Variants in BCORL1 observed in about 807,000 individuals in gnomAD.
BCORL1 encodes BCL6 corepressor like 1.
Under a neutral mutation model 87.6 loss-of-function variants are expected in BCORL1, and 7 were observed. That is an observed-to-expected ratio of 0.08 (90% CI 0.05 to 0.15). The LOEUF (loss-of-function observed/expected upper bound fraction) is 0.15. Ranked by LOEUF, BCORL1 falls within the 10% of genes least tolerant of loss-of-function variation. The pLI is 1.00. For missense variants in BCORL1, 1,215 were observed against 1,499.7 expected (o/e 0.81, Z 3.13); for synonymous variants, 591 against 634.4 (o/e 0.93, Z 1.03).
chrX:129,999,588 G>A (rs1438301258), intron 1 of BCORL1, among the ~76,000 whole-genome samples: 2 of 109,636 alleles, frequency 1.8e-5, no homozygotes, highest in African/African-American at 3.3e-5. Flanking sequence ...GATTACAGGC[G>A]TGATTACAGT....
intron 13 of BCORL1, among the ~76,000 whole-genome samples, chrX:130,054,815 A>T (rs1213641475): frequency 9.0e-6 from 1 of 111,130 alleles, no homozygotes; most frequent in Admixed American, 9.6e-5. Flanking sequence ...GGAGGCTGAG[A>T]CAGGAGAATT....
Position 130,056,036 on chromosome X carries a change from C to G in BCORL1, c.5258C>G (p.Ser1753Cys), listed in dbSNP as rs773050802. ...AERPGGLDDR[S>C]PPGSSETVEL... Reference sequence around the variant, plus strand: ...AGGCCTGGAGGCTTGGACGACAGATCCCCCCCAGGCTCCTCTGAGACTGTG... The same window carrying G: ...AGGCCTGGAGGCTTGGACGACAGATGCCCCCCAGGCTCCTCTGAGACTGTG... The change falls in exon 14 of 14, where the codon TCC (serine) becomes TGC (cysteine). Residue 1753 changes from serine (S) to cysteine (C), a missense_variant. Physicochemically the swap from Ser to Cys is moderately radical, Grantham distance 112 (BLOSUM62 -1). This residue lies in a region of BCORL1 where 129 missense variants were observed against 157.5 expected (regional missense o/e 0.82). Coordinates refer to ENST00000540052, the MANE Select transcript of BCORL1 (RefSeq NM_001379451.1). 2 of 1,210,828 alleles carry G rather than the reference C, an allele frequency of 1.7e-6. No individual in the cohort carries two copies. The highest frequency in any genetic ancestry group is 2.2e-6 in the Non-Finnish European group (2 of 894,701).
rs139239140 is a variant in BCORL1, at chrX:130,025,362, G to A, written c.4061G>A (p.Arg1354Gln). 458 of 1,148,053 alleles carry A rather than the reference G, an allele frequency of 4.0e-4. No individual in the cohort carries two copies. The highest frequency in any genetic ancestry group is 5.1e-4 in the Non-Finnish European group (441 of 866,243). The allele number at this position is 1,148,053 out of a possible 1,213,427, so 94.6% of individuals were successfully genotyped here. Residue 1354 changes from arginine (R) to glutamine (Q), a missense_variant, in exon 7 of 14, where the codon CGG becomes CAG. Physicochemically the swap from Arg to Gln is conservative, Grantham distance 43. Coordinates refer to ENST00000540052, the MANE Select transcript of BCORL1 (RefSeq NM_001379451.1). ...CTGACAGAGCAAGAAGACGAGCAGC[G>A]GCGGAAAGGGAGAGCAGGTAAGGCT... The part of the protein sequence containing the change: ...EYLTEQEDEQ[R>Q]RKGRADLKAR...
intron 9 of BCORL1, among the ~76,000 whole-genome samples, chrX:130,035,895 C>T (rs1352659380): frequency 8.9e-6 from 1 of 112,317 alleles, no homozygotes; most frequent in Non-Finnish European, 1.9e-5. Flanking sequence ...TGGGAAGCCT[C>T]GGGCTTTCTC....
rs975278571 is a variant in BCORL1 at position 130,057,382 on chromosome X, G to C, written c.*1246G>C. 3 of 112,051 alleles carry C rather than the reference G, an allele frequency of 2.7e-5. No individual in the cohort carries two copies. The highest frequency in any genetic ancestry group is 9.7e-5 in the African/African-American group (3 of 30,773). The allele number at this position is 112,051 out of a possible 1,213,427, so 9.2% of individuals were successfully genotyped here. ...TACCTGGCCTCCCCCTGGCCTCTGGGCCTCCAGCGCTGGGTTTGTCGAGTG... is the reference window on the plus strand; with the variant it reads ...TACCTGGCCTCCCCCTGGCCTCTGGCCCTCCAGCGCTGGGTTTGTCGAGTG... On this transcript the variant is annotated 3_prime_UTR_variant, in exon 14 of 14. Coordinates refer to ENST00000540052, the MANE Select transcript of BCORL1 (RefSeq NM_001379451.1).
At chrX:130,034,889 T>C (rs1378399282) in intron 9 of BCORL1, among the ~76,000 whole-genome samples, 1 of 111,801 alleles carries the variant, frequency 8.9e-6, no homozygotes, top group Non-Finnish European at 1.9e-5. Flanking sequence ...GCAATTGAAA[T>C]GGTATCATGC....
rs1932023711 is a variant in BCORL1, at chrX:130,050,704, C to A, written c.4841-13C>A. On this transcript the variant is annotated splice_polypyrimidine_tract_variant and intron_variant, in intron 11 of 13. Coordinates refer to ENST00000540052, the MANE Select transcript of BCORL1 (RefSeq NM_001379451.1). ...TAACCTCCTTGTCTCACTGCCTGCT[C>A]TTCTTTCATCAGATCACCTCTCGGA... The A allele has an allele frequency of 8.3e-7, 1 of 1,206,691 alleles. No individual in the cohort carries two copies. The highest frequency in any genetic ancestry group is 2.2e-5 in the Admixed American group (1 of 45,638).
At chrX:129,980,803 C>T (rs1260325430), upstream of BCORL1, among the ~76,000 whole-genome samples, 1 of 6,703 alleles carries the variant, frequency 1.5e-4, no homozygotes, top group Non-Finnish European at 2.4e-4. Flanking sequence ...CTGGCCTGGG[C>T]GTGGGGGCGG....
At chrX:130,009,294 G>A (rs1005518058) in intron 2 of BCORL1, among the ~76,000 whole-genome samples, 5 of 110,575 alleles carry the variant, frequency 4.5e-5, no homozygotes, top group African/African-American at 1.3e-4. Context: ...GAGAAACCCC[G>A]TCTCTACTAA....
At chrX:130,050,488 G>A (rs750530057) in intron 11 of BCORL1, among the ~76,000 whole-genome samples, 1 of 109,922 alleles carries the variant, frequency 9.1e-6, no homozygotes, top group African/African-American at 3.3e-5. Context: ...TTCTTTTAAA[G>A]CACTGGGTCA....
chrX:129,985,908 G>C (rs933068747), intron 1 of BCORL1, among the ~76,000 whole-genome samples: 23 of 110,057 alleles, frequency 2.1e-4, no homozygotes, highest in African/African-American at 7.3e-4. Context: ...GGAGTGCAGT[G>C]CTACAATCTC....
intron 13 of BCORL1, 22 bp downstream of exon 13, chrX:130,052,038 G>A (rs1192636082): frequency 2.6e-6 from 3 of 1,153,864 alleles, no homozygotes; most frequent in South Asian, 2.1e-5. Context: ...AGAGATCCAC[G>A]GTGACTGAGT....
intron 2 of BCORL1, among the ~76,000 whole-genome samples, chrX:130,009,051 A>G (rs1928744116): frequency 8.9e-6 from 1 of 112,079 alleles, no homozygotes; most frequent in Non-Finnish European, 1.9e-5. Flanking sequence ...CAGATGCAAG[A>G]TTGACAAACC....
chrX:130,024,482 G>A (rs759421526), intron 6 of BCORL1, among the ~76,000 whole-genome samples: 16 of 111,046 alleles, frequency 1.4e-4, no homozygotes, highest in Admixed American at 6.7e-4. Flanking sequence ...CTTGGCCGGG[G>A]TGGCTCTGTC....
intron 8 of BCORL1, among the ~76,000 whole-genome samples, chrX:130,032,403 C>T (rs912425955): frequency 3.6e-5 from 4 of 112,016 alleles, no homozygotes; most frequent in African/African-American, 9.7e-5. Flanking sequence ...CCTCAGGACA[C>T]GGCAGCTGGC....
chrX:130,047,319 G>C (rs1260047581), intron 11 of BCORL1, among the ~76,000 whole-genome samples: 1 of 111,117 alleles, frequency 9.0e-6, no homozygotes, highest in Non-Finnish European at 1.9e-5. Flanking sequence ...AAGCGTGGCT[G>C]GGGTGGAGGG....
chrX:130,026,893 T>G (rs1183649967), intron 7 of BCORL1, among the ~76,000 whole-genome samples: 1 of 113,692 alleles, frequency 8.8e-6, no homozygotes, highest in East Asian at 2.7e-4. Context: ...CCAGATCTGA[T>G]GATGGCATCT....
upstream of BCORL1, chrX:129,980,998 C>G (rs1402869405): frequency 6.5e-5 from 7 of 107,734 alleles, no homozygotes; most frequent in Admixed American, 5.8e-4. Context: ...GGGCCGCGAG[C>G]GGAGGGAGGG....
In BCORL1 at chrX:130,055,981, G is replaced by T; in HGVS notation, c.5203G>T (p.Ala1735Ser). The change falls in exon 14 of 14, where the codon GCC becomes TCC. Residue 1735 changes from alanine to serine, a missense_variant. Ala to Ser is a moderately conservative substitution (Grantham distance 99). Transcript: ENST00000540052. ...CAAGGCCGAGTTCTACAGGCAGGTG[G>T]CCTCCAGTCAGCTGCTGACCCCTGC... ...MPKAEFYRQV[A>S]SSQLLTPAER... 8.2e-7 allele frequency: 1 copy of T among 1,212,228 alleles called. No homozygotes were observed. The highest frequency in any genetic ancestry group is 1.7e-5 in the African/African-American group (1 of 57,958).
Sources: allele counts gnomAD v4.1 joint callset (sites outside exome capture counted in the v4.1 genomes callset), GRCh38; gene constraint gnomAD v4.1.1; regional missense constraint gnomAD v4.1.1; transcripts MANE v1.5; gene names NCBI Gene and HGNC (gene_info 2026-07-23, HGNC 2026-07-21).